Variants in NLRP7 observed in about 807,000 individuals in gnomAD.
The protein encoded by NLRP7 is NACHT, LRR and PYD domains-containing protein 7.
Under a neutral mutation model 85.5 loss-of-function variants are expected in NLRP7, and 72 were observed. The ratio of observed to expected loss-of-function variants is 0.84; its 90% CI spans 0.70 to 1.02. The LOEUF is 1.02. Among genes scored for constraint, NLRP7 ranks in the 50% least tolerant of loss-of-function variants. NLRP7 has a pLI of 0.00. For missense variants in NLRP7, 1,243 were observed against 1,219.5 expected (o/e 1.02, Z -0.29); for synonymous variants, 550 against 505.2 (o/e 1.09, Z -1.19).
intron 1 of NLRP7, among the ~76,000 whole-genome samples, chr19:54,945,103 C>T (rs2069407699): frequency 1.3e-5 from 2 of 151,424 alleles, no homozygotes; most frequent in African/African-American, 2.4e-5. Flanking sequence ...ATTAGCCGGG[C>T]ATGGTGGCGG....
rs1173895275 is a variant in NLRP7, at chr19:54,934,352, C to A, written c.2471+137G>T. ...TCTCTGCTGAGATTACAGGCAGGAG[C>A]CACCGTGCCGGGCCTGAAGCAGGTG... On this transcript the variant is annotated intron_variant, in intron 7 of 9. Coordinates refer to ENST00000340844, the Ensembl canonical transcript of NLRP7. The surrounding 1 kb of genome is among the most constrained non-coding windows in gnomAD (Gnocchi z 6.7). 5 of 871,112 alleles carry A rather than the reference C, an allele frequency of 5.7e-6. No homozygotes were observed. The highest frequency in any genetic ancestry group is 1.7e-5 in the African/African-American group (1 of 60,484). The allele number at this position is 871,112 out of a possible 1,614,324, so 54.0% of individuals were successfully genotyped here. A position where few individuals can be genotyped will look rare whatever the true frequency, so the allele number is the denominator to read the frequency against.
At position 54,941,614 on chromosome 19, in the gene NLRP7, G is replaced by A; in HGVS notation, c.98C>T (p.Pro33Leu). 2 of 1,613,964 alleles carry A rather than the reference G, an allele frequency of 1.2e-6. No individual in the cohort carries two copies. The highest frequency in any genetic ancestry group is 1.1e-5 in the South Asian group (1 of 91,080). The change falls in exon 2 of 10, where the codon CCC becomes CTC. Residue 33 changes from proline (P) to leucine (L), a missense_variant. Coordinates refer to ENST00000340844, the Ensembl canonical transcript of NLRP7. Reference sequence around the variant, plus strand: ...GGTCTTCTGTAGCACGTCTTCGAGGGGAAAAGCCCATAAAAGGGATTTGAA... The same window carrying A: ...GGTCTTCTGTAGCACGTCTTCGAGGAGAAAAGCCCATAAAAGGGATTTGAA...
intron 9 of NLRP7, chr19:54,927,686 C>T: frequency 6.2e-7 from 1 of 1,613,996 alleles, no homozygotes; most frequent in Admixed American, 1.7e-5. Context: ...ATGATTCTGG[C>T]CCAGGTCCAG....
intron 1 of NLRP7, among the ~76,000 whole-genome samples, chr19:54,944,394 A>G (rs2069374778): frequency 6.6e-6 from 1 of 151,944 alleles, no homozygotes; most frequent in Non-Finnish European, 1.5e-5. Context: ...CACATTTCCT[A>G]ACCTTGTTTA....
exon 6 of NLRP7, chr19:54,936,336 A>T: frequency 6.2e-7 from 1 of 1,614,066 alleles, no homozygotes; most frequent in Non-Finnish European, 8.5e-7. Flanking sequence ...TTCCCACTCG[A>T]TGTGCCCTGC....
chr19:54,928,101 T>C (rs991987072), intron 9 of NLRP7, among the ~76,000 whole-genome samples: 2 of 152,084 alleles, frequency 1.3e-5, no homozygotes, highest in South Asian at 4.1e-4. Flanking sequence ...GTGCCTTTAA[T>C]GCTAGCTACT....
chr19:54,959,220 G>A (rs1361343980), intron 1 of NLRP7, among the ~76,000 whole-genome samples: 2 of 149,694 alleles, frequency 1.3e-5, no homozygotes, highest in East Asian at 4.0e-4. Context: ...CTCACTGCAA[G>A]CTCCGCCTCC....
At chr19:54,941,833 G>A in intron 1 of NLRP7, 83 bp from the exon 2 acceptor site, 1 of 1,020,380 alleles carries the variant, frequency 9.8e-7, no homozygotes, top group Non-Finnish European at 1.4e-6. Context: ...GAACAAGACT[G>A]TTCCTGCTGT....
chr19:54,963,941 T>C (rs1221905759), intron 1 of NLRP7, among the ~76,000 whole-genome samples: 5 of 144,398 alleles, frequency 3.5e-5, no homozygotes, highest in East Asian at 2.3e-4. Flanking sequence ...AGTGCAGTGG[T>C]GCGGTCTCGG....
At chr19:54,950,428 G>A (rs1055310918), upstream of NLRP7, among the ~76,000 whole-genome samples, 5 of 152,086 alleles carry the variant, frequency 3.3e-5, no homozygotes, top group Non-Finnish European at 7.4e-5. Context: ...GGAGGATCCC[G>A]CCAGCTTCTG....
At chr19:54,954,249 C>G (rs967010794) in intron 1 of NLRP7, among the ~76,000 whole-genome samples, 2 of 148,126 alleles carry the variant, frequency 1.4e-5, no homozygotes, top group African/African-American at 2.5e-5. Context: ...GGCAACCGGC[C>G]GGGCGCGGTG....
intron 1 of NLRP7, among the ~76,000 whole-genome samples, chr19:54,943,921 A>G (rs943541711): frequency 2.0e-5 from 3 of 152,144 alleles, no homozygotes; most frequent in Non-Finnish European, 2.9e-5. Flanking sequence ...GTTTAGGGCT[A>G]TGCAGGATGT....
chr19:54,952,574 A>G (rs1363725186), intron 1 of NLRP7, among the ~76,000 whole-genome samples: 5 of 151,482 alleles, frequency 3.3e-5, no homozygotes, highest in Admixed American at 3.3e-4. Flanking sequence ...AGCCTGGGTG[A>G]CAAAGCAAAA....
chr19:54,946,012 C>G (rs545053876), intron 1 of NLRP7, among the ~76,000 whole-genome samples: 2 of 152,016 alleles, frequency 1.3e-5, no homozygotes, highest in African/African-American at 4.8e-5. Flanking sequence ...AGGATGGTCT[C>G]GATCTTCTGA....
intron 6 of NLRP7, among the ~76,000 whole-genome samples, chr19:54,935,346 G>A (rs535047377): frequency 2.0e-5 from 3 of 152,044 alleles, no homozygotes; most frequent in South Asian, 2.1e-4. Context: ...TCCCACCTCA[G>A]CATCCACTGT....
chr19:54,962,542 A>T (rs377577807), intron 1 of NLRP7, among the ~76,000 whole-genome samples: 3 of 151,480 alleles, frequency 2.0e-5, no homozygotes, highest in African/African-American at 7.3e-5. Flanking sequence ...AAGTGCTGGG[A>T]TTACAGGCAT....
Position 54,941,688 on chromosome 19 carries a change from C to T in NLRP7, c.24G>A (p.Trp8Ter), listed in dbSNP as rs1193796199. 5 of 1,613,014 alleles carry T rather than the reference C, an allele frequency of 3.1e-6. No homozygotes were observed. The highest frequency in any genetic ancestry group is 4.2e-6 in the Non-Finnish European group (5 of 1,179,384). ...GCTGCTCCAGAAGGGTCTGCAGAGT[C>T]CACTCTAGCTGGGGCGATGTCATAG... The change falls in exon 2 of 10, where the codon TGG (tryptophan) becomes TGA (stop). Residue 8 changes from tryptophan to a stop codon, truncating the protein, a stop_gained. Coordinates refer to ENST00000340844, the Ensembl canonical transcript of NLRP7. LOFTEE classifies it high-confidence loss of function.
At chr19:54,959,488 T>C (rs749534689) in intron 1 of NLRP7, among the ~76,000 whole-genome samples, 5 of 151,058 alleles carry the variant, frequency 3.3e-5, no homozygotes, top group African/African-American at 4.9e-5. Context: ...TATAAAACAA[T>C]ATGAGACGGT....
intron 5 of NLRP7, among the ~76,000 whole-genome samples, chr19:54,937,663 C>G (rs766956528): frequency 6.6e-6 from 1 of 151,916 alleles, no homozygotes; most frequent in Non-Finnish European, 1.5e-5. Context: ...TTTGGAAGGC[C>G]GAGGCAGGCA....
Sources: allele counts gnomAD v4.1 joint callset (sites outside exome capture counted in the v4.1 genomes callset), GRCh38; gene constraint gnomAD v4.1.1; non-coding constraint Gnocchi (gnomAD v3.1); transcripts MANE v1.5; gene names NCBI Gene and HGNC (gene_info 2026-07-23, HGNC 2026-07-21).